CASP8: variants seen among roughly 807,000 people sequenced by gnomAD.
CASP8 encodes caspase-8.
A neutral mutation model predicts 46.3 loss-of-function variants in CASP8; 24 were observed. The observed-to-expected ratio is 0.52, with a 90% CI of 0.38 to 0.73. The LOEUF is 0.73. CASP8 is among the 30% of genes least tolerant of loss of function. The probability of loss-of-function intolerance (pLI) is 0.00; values close to 1 mark genes in which losing one functional copy is unlikely to be tolerated. For missense variants in CASP8, 460 were observed against 559.0 expected (o/e 0.82, Z 1.79); for synonymous variants, 188 against 200.4 (o/e 0.94, Z 0.52).
intron 7 of CASP8, among the ~76,000 whole-genome samples, chr2:201,282,976 C>G (rs1401286468): frequency 5.9e-5 from 4 of 67,626 alleles, no homozygotes; most frequent in Non-Finnish European, 1.1e-4. Flanking sequence ...CCGGACGGGG[C>G]GGCTGGCCGG....
intron 1 of CASP8, among the ~76,000 whole-genome samples, chr2:201,265,403 T>A (rs950684541): frequency 1.3e-5 from 2 of 150,642 alleles, no homozygotes; most frequent in Non-Finnish European, 3.0e-5. Flanking sequence ...GAAAACTAAA[T>A]ACCGTATGTT....
In CASP8 at chr2:201,276,981, C is replaced by A. The variant is rs1468312353; in HGVS notation, c.802+13C>A. 1 of 1,595,616 alleles carries A rather than the reference C, an allele frequency of 6.3e-7. No individual in the cohort carries two copies. Among genetic ancestry groups the A allele is most frequent in the Non-Finnish European group, 8.6e-7 (1 of 1,163,564 alleles). ...CACTTGGATGCAGGTACAGTAGAACCCAAAAGAGAAAAGTAAAATATTTCT... is the reference window on the plus strand; with the variant it reads ...CACTTGGATGCAGGTACAGTAGAACACAAAAGAGAAAAGTAAAATATTTCT... On this transcript the variant is annotated intron_variant, in intron 7 of 8. Coordinates refer to ENST00000673742, the MANE Select transcript of CASP8 (RefSeq NM_001372051.1).
chr2:201,243,661 G>T (rs1385477465), intron 2 of CASP8, among the ~76,000 whole-genome samples: 1 of 152,210 alleles, frequency 6.6e-6, no homozygotes, highest in South Asian at 2.1e-4. Flanking sequence ...AAGTTCTGGA[G>T]TGCTTCTCAT....
At chr2:201,247,736 C>T (rs190047774) in intron 2 of CASP8, among the ~76,000 whole-genome samples, 102 of 152,200 alleles carry the variant, frequency 6.7e-4, no homozygotes, top group Middle Eastern at 3.4e-3. Context: ...CCTCCACCTC[C>T]CGGGTTCAAG....
Position 201,266,081 on chromosome 2 carries a change from G to A in CASP8, c.-26-380G>A, listed in dbSNP as rs35564885. On this transcript the variant is annotated intron_variant, in intron 1 of 8. Transcript: ENST00000673742. This position sits in a 1 kb window ranked among gnomAD's most constrained non-coding sequence, Gnocchi z 5.7. Reference sequence around the variant, plus strand: ...TGCAACCTCCACCTCCTGGGTTCAAGCGATTCTCCTGCCCCAGCCTCCTGA... The same window carrying A: ...TGCAACCTCCACCTCCTGGGTTCAAACGATTCTCCTGCCCCAGCCTCCTGA... 7.0e-4 allele frequency among the ~76,000 whole-genome samples: 107 copies of A among 151,910 alleles called. No homozygotes were observed. The highest frequency in any genetic ancestry group is 2.5e-3 in the African/African-American group (103 of 41,436).
chr2:201,261,270 A>G (rs1252719468), intron 1 of CASP8, among the ~76,000 whole-genome samples: 1 of 151,918 alleles, frequency 6.6e-6, no homozygotes, highest in African/African-American at 2.4e-5. Flanking sequence ...GCATGCCTGT[A>G]ATCCCAGCTA....
At chr2:201,256,444 G>A (rs148702538), upstream of CASP8, among the ~76,000 whole-genome samples, 2 of 152,356 alleles carry the variant, frequency 1.3e-5, no homozygotes, top group African/African-American at 2.4e-5. Flanking sequence ...TACGCCAATG[G>A]TTTGATAAGT....
chr2:201,251,469 C>T lies in CASP8; in HGVS notation c.-26-14992C>T, dbSNP rs1425300956. Among the ~76,000 whole-genome samples, 3 of 151,728 alleles carry T rather than the reference C, an allele frequency of 2.0e-5. No homozygotes were observed. The East Asian group carries it at 5.8e-4, about 29-fold the overall frequency. On this transcript the variant is annotated intron_variant, in intron 2 of 6. Coordinates refer to the CASP8 transcript ENST00000264274. ...AATTAGCTGGGCGTGGTGGCGTGTG[C>T]CTGTAATCCCAGCTACTCAGGAAGC...
intron 7 of CASP8, among the ~76,000 whole-genome samples, chr2:201,282,988 C>CG (rs1949211199): frequency 1.6e-5 from 1 of 62,498 alleles, no homozygotes; most frequent in African/African-American, 4.9e-5. Context: ...GCTGGCCGGG[C>CG]GGGGGGCTGA....
At chr2:201,251,301 A>G (rs976331406) in intron 2 of CASP8, among the ~76,000 whole-genome samples, 5 of 152,158 alleles carry the variant, frequency 3.3e-5, no homozygotes, top group African/African-American at 1.2e-4. Flanking sequence ...TCTTGCGGTA[A>G]GCATATGCTT....
At chr2:201,263,166 G>C (rs1012473221) in intron 1 of CASP8, among the ~76,000 whole-genome samples, 2 of 152,128 alleles carry the variant, frequency 1.3e-5, no homozygotes, top group African/African-American at 2.4e-5. Context: ...ATTATATACT[G>C]TCAGAAAATG....
chr2:201,286,193 G>A (rs190434598), intron 8 of CASP8, among the ~76,000 whole-genome samples: 1 of 152,350 alleles, frequency 6.6e-6, no homozygotes, highest in African/African-American at 2.4e-5. Context: ...CACAGGTCAG[G>A]AGAGAAAGAA....
chr2:201,247,923 C>T (rs549466422), intron 2 of CASP8, among the ~76,000 whole-genome samples: 14 of 152,194 alleles, frequency 9.2e-5, no homozygotes, highest in South Asian at 2.1e-4. Context: ...GGATTACAGG[C>T]GTGAGCCACT....
intron 1 of CASP8, among the ~76,000 whole-genome samples, chr2:201,265,379 GA>G (rs58885732): frequency 0.52 from 74,769 of 144,432 alleles, 20,730 homozygotes; most frequent in Non-Finnish European, 0.66. Context: ...GGTCTCAAAA[GA>G]AAAAAAAAAA....
At chr2:201,273,053 T>A in intron 5 of CASP8, 111 bp downstream of exon 5, 5 of 794,974 alleles carry the variant, frequency 6.3e-6, no homozygotes, top group South Asian at 3.1e-5. Flanking sequence ...CCTGCTCTAC[T>A]TTTTCTTTTT....
chr2:201,280,636 C>T (rs13422553), intron 7 of CASP8, among the ~76,000 whole-genome samples: 15,627 of 152,108 alleles, frequency 0.1, 1,296 homozygotes, highest in South Asian at 0.26. Flanking sequence ...TGGTTATGCT[C>T]CAGCAAAGGA....
At chr2:201,262,551 A>G (rs1947497937) in intron 1 of CASP8, among the ~76,000 whole-genome samples, 1 of 152,118 alleles carries the variant, frequency 6.6e-6, no homozygotes, top group Admixed American at 6.6e-5. Context: ...TGGAAAAAAA[A>G]TTGGGAAAAG....
At chr2:201,277,062 C>A in intron 7 of CASP8, 94 bp downstream of exon 7, 1 of 872,404 alleles carries the variant, frequency 1.1e-6, no homozygotes, top group South Asian at 1.4e-5. Context: ...ACCAAAAGGG[C>A]CATGTTTCAA....
At chr2:201,285,416 G>T in intron 8 of CASP8, 99 bp downstream of exon 8, 2 of 1,431,294 alleles carry the variant, frequency 1.4e-6, no homozygotes. Flanking sequence ...ATTAGAAAGT[G>T]CTATGTGATT....
Sources: allele counts gnomAD v4.1 joint callset (sites outside exome capture counted in the v4.1 genomes callset), GRCh38; gene constraint gnomAD v4.1.1; non-coding constraint Gnocchi (gnomAD v3.1); transcripts MANE v1.5; gene names NCBI Gene and HGNC (gene_info 2026-07-23, HGNC 2026-07-21).